The following FGD6 variants were observed in gnomAD, a reference collection of about 807,000 sequenced individuals.
FGD6 encodes FYVE, RhoGEF and PH domain containing 6.
A neutral mutation model predicts 149.4 loss-of-function variants in FGD6; 90 were observed. The observed-to-expected ratio is 0.60, with a 90% CI of 0.51 to 0.72. The LOEUF (loss-of-function observed/expected upper bound fraction) is 0.72. Ranked by LOEUF, FGD6 falls within the 30% of genes least tolerant of loss-of-function variation. The pLI is 0.00. For synonymous variants in FGD6, 527 were observed against 584.0 expected, an observed-to-expected ratio of 0.90 and a Z score of 1.41; for missense variants, 1,437 against 1,684.8, an observed-to-expected ratio of 0.85 and a Z score of 2.57.
chr12:95,125,877 G>A, intron 8 of FGD6: 1 of 1,252,858 alleles, frequency 8.0e-7, no homozygotes, highest in South Asian at 1.2e-5. Flanking sequence ...TTTGGTTGGT[G>A]GACCTTGCGC....
At chr12:95,150,619 T>C (rs1356862939) in intron 5 of FGD6, among the ~76,000 whole-genome samples, 3 of 147,396 alleles carry the variant, frequency 2.0e-5, no homozygotes, top group Non-Finnish European at 4.5e-5. Context: ...AACATTGTCC[T>C]TTTTTTTTTG....
chr12:95,089,520 A>G lies in FGD6; in HGVS notation c.3978+49T>C, dbSNP rs879088872. On this transcript the variant is annotated intron_variant, in intron 18 of 20. Coordinates refer to ENST00000343958, the MANE Select transcript of FGD6 (RefSeq NM_018351.4). ...AAGAAAAACGGTGTATTATATGCATATGAATAATTCAGCCTCTATCACATT... is the reference window on the plus strand; with the variant it reads ...AAGAAAAACGGTGTATTATATGCATGTGAATAATTCAGCCTCTATCACATT... The G allele has an allele frequency of 5.0e-6, 8 of 1,594,868 alleles. No individual in the cohort carries two copies. The African/African-American group carries it at 5.4e-5, about 11-fold the overall frequency.
chr12:95,169,020 G>A (rs924511233), intron 3 of FGD6, among the ~76,000 whole-genome samples: 2 of 152,214 alleles, frequency 1.3e-5, no homozygotes, highest in African/African-American at 2.4e-5. Context: ...TAGTGCTATT[G>A]TTGTCTCAGA....
intron 2 of FGD6, among the ~76,000 whole-genome samples, chr12:95,202,039 T>TC (rs1367759533): frequency 9.2e-5 from 14 of 151,928 alleles, no homozygotes; most frequent in African/African-American, 3.4e-4. Flanking sequence ...TATATTTTTT[T>TC]CTTCTATCTC....
intron 5 of FGD6, among the ~76,000 whole-genome samples, chr12:95,147,322 T>C (rs762251295): frequency 3.3e-5 from 5 of 152,312 alleles, no homozygotes; most frequent in Admixed American, 6.5e-5. Flanking sequence ...TCTCTATATG[T>C]AGACCCAGTG....
intron 8 of FGD6, among the ~76,000 whole-genome samples, chr12:95,119,070 G>A (rs1238063896): frequency 4.6e-5 from 7 of 151,984 alleles, no homozygotes; most frequent in Non-Finnish European, 7.4e-5. Flanking sequence ...TACAGCCTGG[G>A]CACATAGTGA....
At chr12:95,150,433 T>G (rs762870388) in intron 5 of FGD6, among the ~76,000 whole-genome samples, 4 of 152,076 alleles carry the variant, frequency 2.6e-5, no homozygotes, top group Non-Finnish European at 5.9e-5. Context: ...ACCAAAAACC[T>G]TCCTATTAAC....
intron 18 of FGD6, among the ~76,000 whole-genome samples, chr12:95,087,596 T>C (rs1877921629): frequency 6.6e-6 from 1 of 152,198 alleles, no homozygotes; most frequent in African/African-American, 2.4e-5. Flanking sequence ...GCCAAAACTT[T>C]GATTATAGCC....
At chr12:95,200,460 A>G (rs1368689977) in intron 2 of FGD6, among the ~76,000 whole-genome samples, 1 of 152,188 alleles carries the variant, frequency 6.6e-6, no homozygotes, top group African/African-American at 2.4e-5. Flanking sequence ...CCACTAATCC[A>G]TCGCATTTCC....
intron 7 of FGD6, among the ~76,000 whole-genome samples, chr12:95,135,593 G>C (rs1005799379): frequency 1.3e-5 from 2 of 152,132 alleles, no homozygotes; most frequent in Non-Finnish European, 2.9e-5. Context: ...AGTTTACTGT[G>C]AGGTGGCATC....
At chr12:95,117,766 G>A (rs1879062676) in intron 8 of FGD6, among the ~76,000 whole-genome samples, 3 of 152,156 alleles carry the variant, frequency 2.0e-5, no homozygotes, top group South Asian at 4.1e-4. Context: ...CAAGGCCACC[G>A]GGCGCAGTGG....
Position 95,108,380 on chromosome 12 carries a change from T to G in FGD6, c.3232A>C (p.Asn1078His), listed in dbSNP as rs1373548634. ...GGCTGCACAATTTCATGGTGTCCAT[T>G]TAAGCTGTACTGAATTTGCATAAGT... ...QKLMQIQYSLNGHHEIVQPGR... is the reference protein window; with the variant it reads ...QKLMQIQYSLHGHHEIVQPGR... The change falls in exon 11 of 21, where the codon AAT (asparagine) becomes CAT (histidine). Residue 1078 changes from asparagine to histidine, a missense_variant. Physicochemically the swap from Asn to His is moderately conservative, Grantham distance 68. Transcript: ENST00000343958. 6.2e-7 allele frequency: 1 copy of G among 1,614,136 alleles called. No individual in the cohort carries two copies. Among genetic ancestry groups the G allele is most frequent in the Admixed American group, 1.7e-5 (1 of 60,020 alleles).
chr12:95,172,035 A>AGT (rs1555221391), intron 3 of FGD6, among the ~76,000 whole-genome samples: 2 of 35,828 alleles, frequency 5.6e-5, no homozygotes, highest in African/African-American at 2.1e-4. Context: ...AACAATTCTA[A>AGT]GGGGGGGGGG....
chr12:95,187,442 C>G (rs1244200090), intron 2 of FGD6, among the ~76,000 whole-genome samples: 1 of 148,436 alleles, frequency 6.7e-6, no homozygotes, highest in African/African-American at 2.5e-5. Flanking sequence ...ATCATGAGGT[C>G]AGCAGATCGA....
In FGD6 at chr12:95,217,432, G is replaced by T; in HGVS notation, c.-192C>A. The T allele has an allele frequency of 1.1e-6, 1 of 900,174 alleles. No homozygotes were observed. Among genetic ancestry groups the T allele is most frequent in the South Asian group, 2.6e-5 (1 of 39,212 alleles). The allele number at this position is 900,174 out of a possible 1,614,324, so 55.8% of individuals were successfully genotyped here. A position where few individuals can be genotyped will look rare whatever the true frequency, so the allele number is the denominator to read the frequency against. On this transcript the variant is annotated 5_prime_UTR_variant, in exon 1 of 21. Transcript: ENST00000343958. ...TCTAGCGACCCTGCGGCGCTCCCGG[G>T]CGCGAGCCGCCGGGGTCGGGCGGGC...
chr12:95,176,495 T>C (rs1881135890), intron 2 of FGD6, among the ~76,000 whole-genome samples: 1 of 152,204 alleles, frequency 6.6e-6, no homozygotes, highest in Admixed American at 6.5e-5. Flanking sequence ...CCAAGCACCC[T>C]AAGTCAGATT....
At chr12:95,217,090 C>CA in intron 1 of FGD6, 135 bp downstream of exon 1, 1 of 1,377,426 alleles carries the variant, frequency 7.3e-7, no homozygotes. Context: ...CCATTAGCTC[C>CA]GCGCTTGCCG....
chr12:95,173,361 T>C (rs1420509848), intron 2 of FGD6, among the ~76,000 whole-genome samples: 3 of 152,130 alleles, frequency 2.0e-5, no homozygotes, highest in African/African-American at 7.2e-5. Context: ...GGCCCAGCAA[T>C]TTGCCCAGCA....
At chr12:95,148,723 T>C (rs1342859927) in intron 5 of FGD6, among the ~76,000 whole-genome samples, 5 of 87,260 alleles carry the variant, frequency 5.7e-5, no homozygotes, top group Non-Finnish European at 9.8e-5. Context: ...GCATATGTTA[T>C]ATTACATATA....
Sources: allele counts gnomAD v4.1 joint callset (sites outside exome capture counted in the v4.1 genomes callset), GRCh38; gene constraint gnomAD v4.1.1; transcripts MANE v1.5; gene names NCBI Gene and HGNC (gene_info 2026-07-23, HGNC 2026-07-21).